The following FER1L5 variants were observed in gnomAD, a reference collection of about 807,000 sequenced individuals.
FER1L5 encodes fer-1-like protein 5.
FER1L5 carries 187 observed loss-of-function variants against 279.9 expected under a neutral mutation model. The observed-to-expected ratio is 0.67, with a 90% CI of 0.59 to 0.75. FER1L5 has a LOEUF of 0.75. Among genes scored for constraint, FER1L5 ranks in the 30% least tolerant of loss-of-function variants. The probability of loss-of-function intolerance (pLI) is 0.00; values close to 1 mark genes in which losing one functional copy is unlikely to be tolerated. For synonymous variants in FER1L5, 921 were observed against 989.7 expected (o/e 0.93, Z 1.30); for missense variants, 2,091 against 2,594.4 (o/e 0.81, Z 4.21).
At position 96,661,662 on chromosome 2, in the gene FER1L5, C is replaced by T; in HGVS notation, c.895-6C>T. 1 of 1,551,730 alleles carries T rather than the reference C, an allele frequency of 6.4e-7. No homozygotes were observed. Among genetic ancestry groups the T allele is most frequent in the Non-Finnish European group, 8.7e-7 (1 of 1,147,004 alleles). On this transcript the variant is annotated splice_region_variant and splice_polypyrimidine_tract_variant and intron_variant, in intron 11 of 52. Transcript: ENST00000624922. ...CTTGACTATATCAGCTCTCTGGTCT[C>T]TCCAGATAGATCAAAAGCTGCTCTA...
intron 18 of FER1L5, among the ~76,000 whole-genome samples, chr2:96,672,023 C>A (rs564424861): frequency 1.5e-4 from 23 of 151,924 alleles, no homozygotes; most frequent in African/African-American, 5.1e-4. Context: ...TACTTGAGCC[C>A]CAGGAGTTTG....
At chr2:96,656,075 C>G (rs1426662630) in intron 9 of FER1L5, among the ~76,000 whole-genome samples, 1 of 152,110 alleles carries the variant, frequency 6.6e-6, no homozygotes, top group Non-Finnish European at 1.5e-5. Context: ...CATCACTCAT[C>G]TTCATCAATT....
intron 43 of FER1L5, 31 bp downstream of exon 43, chr2:96,699,751 T>C: frequency 6.2e-7 from 1 of 1,610,312 alleles, no homozygotes; most frequent in East Asian, 2.2e-5. Flanking sequence ...GGGAAGGGAG[T>C]CAGGTGGGGT....
chr2:96,649,511 C>A, intron 4 of FER1L5, 112 bp from the exon 5 acceptor site: 1 of 959,634 alleles, frequency 1.0e-6, no homozygotes, highest in Non-Finnish European at 1.6e-6. Context: ...ACTAGCATCA[C>A]GGCCCCCACC....
At position 96,704,607 on chromosome 2, in the gene FER1L5, C is replaced by A. The variant is rs773363998; in HGVS notation, c.6089C>A (p.Thr2030Lys). ...ACCCAGGATCCAAACCTAAAGCCTA[C>A]AATAGACCATGAGTGGAAACTCCAC... Reference protein sequence around the residue: ...LPTQDPNLKPTIDHEWKLHPG... With the variant: ...LPTQDPNLKPKIDHEWKLHPG... Residue 2030 changes from threonine (T) to lysine (K), a missense_variant, in exon 53 of 53, where the codon ACA becomes AAA. Physicochemically the swap from Thr to Lys is moderately conservative, Grantham distance 78. Coordinates refer to ENST00000624922, the MANE Select transcript of FER1L5 (RefSeq NM_001293083.2). 6 of 1,613,854 alleles carry A rather than the reference C, an allele frequency of 3.7e-6. No individual in the cohort carries two copies. The East Asian group carries it at 6.7e-5, about 18-fold the overall frequency.
Position 96,650,297 on chromosome 2 carries a change from C to T in FER1L5, c.504+8C>T, listed in dbSNP as rs2075308425. 1.9e-6 allele frequency: 3 copies of T among 1,549,560 alleles called. No homozygotes were observed. Among genetic ancestry groups the T allele is most frequent in the Non-Finnish European group, 8.7e-7 (1 of 1,145,236 alleles). On this transcript the variant is annotated splice_region_variant and intron_variant, in intron 6 of 52. Transcript: ENST00000624922. ...AAGCCTCAGCACTTTCAGGTGAGGA[C>T]CTTCCAGGTTGCAAGTTCATGGGAC... is the stretch of plus-strand genomic sequence containing the variant.
chr2:96,670,659 G>A (rs911389860), intron 18 of FER1L5, among the ~76,000 whole-genome samples: 1 of 151,848 alleles, frequency 6.6e-6, no homozygotes, highest in Non-Finnish European at 1.5e-5. Context: ...GGTGGTGCAC[G>A]CCTGTAGTCC....
intron 12 of FER1L5, 141 bp downstream of exon 12, chr2:96,661,932 TC>T: frequency 7.9e-7 from 1 of 1,265,676 alleles, no homozygotes; most frequent in South Asian, 1.5e-5. Flanking sequence ...CTGGAATTGC[TC>T]CCAGACTTGT....
At chr2:96,661,249 C>G (rs1447456576) in intron 10 of FER1L5, 76 bp from the exon 11 acceptor site, 1 of 1,090,754 alleles carries the variant, frequency 9.2e-7, no homozygotes, top group African/African-American at 1.6e-5. Context: ...TCCCCTCCTG[C>G]TAAAACAAAG....
In FER1L5 at chr2:96,691,547, C is replaced by T. The variant is rs1268232963; in HGVS notation, c.3010C>T (p.Arg1004Cys). The change falls in exon 29 of 53, where the codon CGC becomes TGC. Residue 1004 changes from arginine (R) to cysteine (C), a missense_variant. Arg to Cys is a radical substitution (Grantham distance 180). Transcript: ENST00000624922. This position sits in a 1 kb window ranked among gnomAD's most constrained non-coding sequence, Gnocchi z 6.0. ...PQSRFRRRCW[R>C]RRLAPNKDKG... The stretch of plus-strand genomic sequence containing the variant: ...GAGCCGGTTCCGCCGCCGCTGCTGG[C>T]GCCGCAGGCTGGCCCCCAACAAGGA... 1.9e-5 allele frequency: 29 copies of T among 1,549,596 alleles called. No homozygotes were observed. Among genetic ancestry groups the T allele is most frequent in the Admixed American group, 4.0e-5 (2 of 50,588 alleles).
At chr2:96,679,036 T>C (rs2106624234) in intron 19 of FER1L5, among the ~76,000 whole-genome samples, 1 of 152,214 alleles carries the variant, frequency 6.6e-6, no homozygotes, top group African/African-American at 2.4e-5. Context: ...ATTGTGAAGA[T>C]TTTTCTCCTA....
At chr2:96,699,519 T>C in intron 42 of FER1L5, 31 bp from the exon 43 acceptor site, 1 of 1,596,070 alleles carries the variant, frequency 6.3e-7, no homozygotes, top group East Asian at 2.2e-5. Context: ...ATTGCCCACA[T>C]CCTCTGCAGT....
At chr2:96,658,369 T>G (rs1573809196) in intron 9 of FER1L5, among the ~76,000 whole-genome samples, 1 of 146,578 alleles carries the variant, frequency 6.8e-6, no homozygotes, top group South Asian at 2.2e-4. Flanking sequence ...AAGGTTGGAG[T>G]GCAGTGGCGC....
At chr2:96,690,716 C>A in intron 27 of FER1L5, 127 bp downstream of exon 27, 1 of 792,546 alleles carries the variant, frequency 1.3e-6, no homozygotes, top group Middle Eastern at 3.2e-4. Flanking sequence ...GCCCCCTGGC[C>A]TCCAGAGCTG....
intron 6 of FER1L5, 73 bp downstream of exon 6, chr2:96,650,362 C>A: frequency 8.0e-7 from 1 of 1,257,264 alleles, no homozygotes; most frequent in Non-Finnish European, 1.1e-6. Flanking sequence ...CAGGCCACCT[C>A]ACCCCTCCCC....
intron 9 of FER1L5, 31 bp downstream of exon 9, chr2:96,654,527 G>T: frequency 2.5e-6 from 1 of 398,932 alleles, no homozygotes; most frequent in East Asian, 3.6e-5. Flanking sequence ...GAGGTTCAGT[G>T]AAACAGTTAT....
chr2:96,655,443 G>A (rs1408185781), intron 9 of FER1L5, among the ~76,000 whole-genome samples: 2 of 152,130 alleles, frequency 1.3e-5, no homozygotes, highest in African/African-American at 4.8e-5. Flanking sequence ...ATATTGCAGG[G>A]GACGTATGTG....
chr2:96,660,431 A>T lies in FER1L5; in HGVS notation c.778+60A>T. 8 of 1,480,862 alleles carry T rather than the reference A, an allele frequency of 5.4e-6. No individual in the cohort carries two copies. The South Asian group carries it at 9.7e-5, about 18-fold the overall frequency. The allele number at this position is 1,480,862 out of a possible 1,614,324, so 91.7% of individuals were successfully genotyped here. A position where few individuals can be genotyped will look rare whatever the true frequency, so the allele number is the denominator to read the frequency against. ...TGAGAAAAATCAGGCCAAGGGTCAG[A>T]ATATCTTAAAATCCCCATATGTCCA... On this transcript the variant is annotated intron_variant, in intron 10 of 52. Transcript: ENST00000624922.
rs552886081 is a variant in FER1L5 at position 96,660,451 on chromosome 2, T to G, written c.778+80T>G. The stretch of plus-strand genomic sequence containing the variant: ...GTCAGAATATCTTAAAATCCCCATA[T>G]GTCCAACACATGGGTGGAGGGGAGT... On this transcript the variant is annotated intron_variant, in intron 10 of 52. Transcript: ENST00000624922. 4.6e-6 allele frequency: 6 copies of G among 1,294,370 alleles called. No individual in the cohort carries two copies. In the East Asian group the frequency reaches 1.3e-4, roughly 27 times the overall value. The allele number at this position is 1,294,370 out of a possible 1,614,324, so 80.2% of individuals were successfully genotyped here.
Sources: allele counts gnomAD v4.1 joint callset (sites outside exome capture counted in the v4.1 genomes callset), GRCh38; gene constraint gnomAD v4.1.1; non-coding constraint Gnocchi (gnomAD v3.1); transcripts MANE v1.5; gene names NCBI Gene and HGNC (gene_info 2026-07-23, HGNC 2026-07-21).